Variants in AHI1 observed in about 807,000 individuals in gnomAD.
AHI1 encodes jouberin.
A neutral mutation model predicts 149.3 loss-of-function variants in AHI1; 123 were observed. That is an observed-to-expected ratio of 0.82 (90% CI 0.71 to 0.96). The LOEUF (loss-of-function observed/expected upper bound fraction) is 0.96. Ranked by LOEUF, AHI1 falls within the 40% of genes least tolerant of loss-of-function variation. AHI1 has a pLI of 0.00. For missense variants in AHI1, 1,439 were observed against 1,422.7 expected (o/e 1.01, Z -0.18); for synonymous variants, 475 against 459.8 (o/e 1.03, Z -0.42).
intron 20 of AHI1, 126 bp from the exon 21 acceptor site, chr6:135,411,670 A>G (rs1781616680): frequency 7.7e-6 from 5 of 647,854 alleles, no homozygotes; most frequent in Non-Finnish European, 1.2e-5. Context: ...TAATAATAAG[A>G]CACCATAACT....
chr6:135,361,646 C>CAT (rs1491386298), intron 23 of AHI1, among the ~76,000 whole-genome samples: 99 of 2,478 alleles, frequency 0.04, 2 homozygotes, highest in African/African-American at 0.36. Context: ...GGTATGGTTT[C>CAT]ACACACACAC....
At position 135,394,779 on chromosome 6, in the gene AHI1, T is replaced by C. The variant is rs1455353901; in HGVS notation, c.3106A>G (p.Thr1036Ala). The C allele has an allele frequency of 6.2e-7, 1 of 1,610,336 alleles. No homozygotes were observed. Among genetic ancestry groups the C allele is most frequent in the Non-Finnish European group, 8.5e-7 (1 of 1,177,920 alleles). Residue 1036 changes from threonine (T) to alanine (A), a missense_variant, in exon 23 of 29, where the codon ACC becomes GCC. Physicochemically the swap from Thr to Ala is moderately conservative, Grantham distance 58. Coordinates refer to ENST00000265602, the MANE Select transcript of AHI1 (RefSeq NM_001134831.2). ...TCAAAGTAAGAAAGGGGCTCACCGG[T>C]CTGAGTGAAACCAAACTGATGTAGA... ...EILHQFGFTQ[T>A]GIISIERKPC...
In AHI1 at chr6:135,284,246, A is replaced by T. The variant is rs1781484302; in HGVS notation, c.*1399T>A. ...AAGTTCTACACAGCGGGACATGTTT[A>T]CCAATTTTTATGCCTCTACATGTGC... On this transcript the variant is annotated 3_prime_UTR_variant, in exon 29 of 29. Transcript: ENST00000265602. 1 of 152,234 alleles carries T rather than the reference A, an allele frequency of 6.6e-6. No individual in the cohort carries two copies. Among genetic ancestry groups the T allele is most frequent in the South Asian group, 2.1e-4 (1 of 4,834 alleles). The allele number at this position is 152,234 out of a possible 1,614,324, so 9.4% of individuals were successfully genotyped here.
intron 5 of AHI1, among the ~76,000 whole-genome samples, chr6:135,468,478 T>C (rs60730556): frequency 0.078 from 11,802 of 151,930 alleles, 1,095 homozygotes; most frequent in African/African-American, 0.22. Flanking sequence ...CCGAGGTGGG[T>C]GGATCACATG....
intron 14 of AHI1, among the ~76,000 whole-genome samples, chr6:135,438,799 C>T (rs1289739307): frequency 6.6e-6 from 1 of 152,040 alleles, no homozygotes. Context: ...TGAATAATAA[C>T]ATTTACATTG....
intron 28 of AHI1, chr6:135,286,447 T>TTC (rs1781696922): frequency 1.3e-5 from 2 of 152,266 alleles, no homozygotes; most frequent in Admixed American, 6.5e-5. Context: ...TAACACCTGG[T>TTC]TGTCCTTAGA....
intron 24 of AHI1, among the ~76,000 whole-genome samples, chr6:135,326,986 C>T (rs192649141): frequency 1.3e-5 from 2 of 152,156 alleles, no homozygotes; most frequent in Non-Finnish European, 2.9e-5. Flanking sequence ...AGTGAGAACA[C>T]GTAGTATTTG....
At chr6:135,497,395 A>T (rs1583545105) in intron 1 of AHI1, 146 bp from the exon 2 acceptor site, 1 of 152,306 alleles carries the variant, frequency 6.6e-6, no homozygotes, top group African/African-American at 2.4e-5. Context: ...AAGAAGCGCA[A>T]AAGTACGGTG....
chr6:135,481,874 AT>A lies in AHI1; in HGVS notation c.135+8748del, dbSNP rs897281659. Among the ~76,000 whole-genome samples, 74 of 148,670 alleles carry A rather than the reference AT, an allele frequency of 5.0e-4. No homozygotes were observed. The East Asian group carries it at 0.01, about 21-fold the overall frequency. The stretch of plus-strand genomic sequence containing the variant: ...GAGGACCGAGAATTTTAGGTTGACA[AT>A]TTTTTTTTCATTCAGTATTTTAAAA... On this transcript the variant is annotated intron_variant, in intron 5 of 28. Coordinates refer to ENST00000265602, the MANE Select transcript of AHI1 (RefSeq NM_001134831.2).
intron 24 of AHI1, among the ~76,000 whole-genome samples, chr6:135,340,654 CATACATAT>C (rs1299953472): frequency 0.084 from 4,908 of 58,480 alleles, 354 homozygotes; most frequent in African/African-American, 0.15. Flanking sequence ...TATATACATA[CATACATAT>C]ATATATATAT....
At chr6:135,496,912 A>T (rs1796040193) in intron 2 of AHI1, among the ~76,000 whole-genome samples, 1 of 152,236 alleles carries the variant, frequency 6.6e-6, no homozygotes, top group Non-Finnish European at 1.5e-5. Context: ...TTCTTTAAAA[A>T]ATTTCCCAGA....
chr6:135,381,505 A>G (rs545149722), intron 23 of AHI1, among the ~76,000 whole-genome samples: 1 of 152,326 alleles, frequency 6.6e-6, no homozygotes, highest in African/African-American at 2.4e-5. Context: ...ATTTGAAGAA[A>G]GCATACTAAG....
intron 26 of AHI1, among the ~76,000 whole-genome samples, chr6:135,318,241 A>G (rs1583681530): frequency 6.6e-6 from 1 of 152,334 alleles, no homozygotes; most frequent in Non-Finnish European, 1.5e-5. Flanking sequence ...CAGAGTAGAA[A>G]CAGCACACCT....
intron 25 of AHI1, among the ~76,000 whole-genome samples, chr6:135,319,821 A>C (rs1786533318): frequency 6.6e-6 from 1 of 152,176 alleles, no homozygotes. Context: ...TGAGGGTGTT[A>C]GATGTGATGG....
At chr6:135,302,484 A>T (rs1290685939) in intron 26 of AHI1, 6 of 1,012,394 alleles carry the variant, frequency 5.9e-6, no homozygotes, top group Non-Finnish European at 5.9e-6. Flanking sequence ...ATCCTCAGAA[A>T]GTTTGTCTTA....
chr6:135,443,992 T>A (rs1408670837), intron 13 of AHI1, among the ~76,000 whole-genome samples: 1 of 152,174 alleles, frequency 6.6e-6, no homozygotes, highest in African/African-American at 2.4e-5. Context: ...ATGAAAACAT[T>A]GAACCCACTA....
intron 27 of AHI1, among the ~76,000 whole-genome samples, chr6:135,296,945 G>A (rs1167244623): frequency 1.3e-5 from 2 of 152,140 alleles, no homozygotes; most frequent in African/African-American, 4.8e-5. Flanking sequence ...TACAAGTTGT[G>A]TATCATATCA....
chr6:135,290,395 C>T (rs778749324), intron 28 of AHI1, 28 bp downstream of exon 28: 12 of 1,305,446 alleles, frequency 9.2e-6, no homozygotes, highest in East Asian at 6.9e-5. Context: ...GACAACATAG[C>T]GCAACTTTCT....
chr6:135,448,341 A>C lies in AHI1; in HGVS notation c.1575T>G (p.His525Gln), dbSNP rs1233089714. The C allele has an allele frequency of 6.2e-7, 1 of 1,611,310 alleles. No homozygotes were observed. Among genetic ancestry groups the C allele is most frequent in the South Asian group, 1.1e-5 (1 of 90,522 alleles). Reference protein sequence around the residue: ...FEWWSKCPRNHYPSTLYVTVR... With the variant: ...FEWWSKCPRNQYPSTLYVTVR... ...CAGTTACGTACAGTGTTGATGGGTA[A>C]TGATTTCTTGGACATTTTGACCACC... Residue 525 changes from histidine to glutamine, a missense_variant, in exon 12 of 29, where the codon CAT becomes CAG. Coordinates refer to ENST00000265602, the MANE Select transcript of AHI1 (RefSeq NM_001134831.2).
Sources: gnomAD v4.1 joint callset for allele counts (sites outside exome capture counted in the v4.1 genomes callset) on GRCh38, gnomAD v4.1.1 for gene constraint, MANE v1.5 for transcripts, NCBI Gene and HGNC (gene_info 2026-07-23, HGNC 2026-07-21) for gene names.